Variants in OSBPL6 observed in about 807,000 individuals in gnomAD.
The protein encoded by OSBPL6 is oxysterol binding protein like 6.
A neutral mutation model predicts 125.8 loss-of-function variants in OSBPL6; 49 were observed. The observed-to-expected ratio is 0.39, with a 90% CI of 0.31 to 0.49. The LOEUF is 0.49. Among genes scored for constraint, OSBPL6 ranks in the 20% least tolerant of loss-of-function variants. The probability of loss-of-function intolerance (pLI) is 0.88; values close to 1 mark genes in which losing one functional copy is unlikely to be tolerated. For synonymous variants in OSBPL6, 394 were observed against 391.8 expected (o/e 1.01, Z -0.07); for missense variants, 986 against 1,135.4 (o/e 0.87, Z 1.89).
intron 4 of OSBPL6, among the ~76,000 whole-genome samples, chr2:178,326,419 C>G (rs1226281981): frequency 6.6e-6 from 1 of 152,106 alleles, no homozygotes; most frequent in African/African-American, 2.4e-5. Context: ...CTGACATGAT[C>G]ACATTATGGC....
chr2:178,253,129 C>T (rs1404264624), intron 1 of OSBPL6, among the ~76,000 whole-genome samples: 2 of 151,558 alleles, frequency 1.3e-5, no homozygotes, highest in Non-Finnish European at 2.9e-5. Flanking sequence ...TCAAGCGATT[C>T]TCCTGCCTCG....
chr2:178,358,640 A>G (rs1439097250), intron 12 of OSBPL6, among the ~76,000 whole-genome samples: 2 of 152,154 alleles, frequency 1.3e-5, no homozygotes, highest in East Asian at 1.9e-4. Flanking sequence ...TGAAACTATA[A>G]AACTCCTAGA....
chr2:178,248,841 G>A (rs755323245), intron 1 of OSBPL6, among the ~76,000 whole-genome samples: 26 of 152,274 alleles, frequency 1.7e-4, no homozygotes, highest in Non-Finnish European at 2.5e-4. Context: ...AAAAACATCT[G>A]AAATCTCATT....
At chr2:178,321,593 G>A (rs73032545) in intron 3 of OSBPL6, among the ~76,000 whole-genome samples, 1,861 of 152,226 alleles carry the variant, frequency 0.012, 45 homozygotes, top group African/African-American at 0.043. Context: ...TTCTAGACTC[G>A]TGAGTTTCTA....
chr2:178,248,518 G>A (rs953834228), intron 1 of OSBPL6, among the ~76,000 whole-genome samples: 3 of 152,132 alleles, frequency 2.0e-5, no homozygotes, highest in African/African-American at 7.2e-5. Flanking sequence ...CCTGATGTTA[G>A]TTGTTTTGGG....
At position 178,380,456 on chromosome 2, in the gene OSBPL6, CAAAAAAAAAAAAAA is replaced by C. The variant is rs60399092; in HGVS notation, c.1534-1948_1534-1935del. On this transcript the variant is annotated intron_variant, in intron 15 of 24. Transcript: ENST00000190611. ...TGGGCAGCAGAGTAAGAGTCTGTCT[CAAAAAAAAAAAAAA>C]AAAAAAAAAAAAAAAGTGATCTTTT... Among the ~76,000 whole-genome samples, 13 of 25,990 alleles carry C rather than the reference CAAAAAAAAAAAAAA, an allele frequency of 5.0e-4. 1 individual carries two copies. The highest frequency in any genetic ancestry group is 2.1e-3 in the South Asian group (1 of 470). The allele number at this position is 25,990 out of a possible 152,430, so 17.1% of individuals were successfully genotyped here. A position where few individuals can be genotyped will look rare whatever the true frequency, so the allele number is the denominator to read the frequency against.
intron 3 of OSBPL6, among the ~76,000 whole-genome samples, chr2:178,307,943 C>T (rs979782746): frequency 3.3e-5 from 5 of 152,060 alleles, no homozygotes; most frequent in Non-Finnish European, 5.9e-5. Flanking sequence ...CCTGGTGTGC[C>T]GGAGGGAGCA....
At chr2:178,290,746 C>T (rs1685181131) in intron 2 of OSBPL6, among the ~76,000 whole-genome samples, 1 of 151,950 alleles carries the variant, frequency 6.6e-6, no homozygotes, top group Admixed American at 6.6e-5. Context: ...TAATAGGAAA[C>T]AGAATTTAGA....
At chr2:178,203,507 T>C (rs2089366390) in intron 1 of OSBPL6, among the ~76,000 whole-genome samples, 1 of 152,186 alleles carries the variant, frequency 6.6e-6, no homozygotes, top group African/African-American at 2.4e-5. Flanking sequence ...GGAATATAAT[T>C]ATAACTGTTT....
intron 2 of OSBPL6, among the ~76,000 whole-genome samples, chr2:178,289,778 G>C (rs1685064658): frequency 6.6e-6 from 1 of 152,164 alleles, no homozygotes; most frequent in African/African-American, 2.4e-5. Context: ...TTTGGGAATA[G>C]AACTTTCCAC....
chr2:178,392,357 C>A, intron 22 of OSBPL6, 55 bp from the exon 23 acceptor site: 1 of 1,596,524 alleles, frequency 6.3e-7, no homozygotes, highest in Non-Finnish European at 8.6e-7. Context: ...AAGTCAGCTT[C>A]TTCCAGTTCC....
At chr2:178,304,913 C>T (rs1686625953) in intron 2 of OSBPL6, among the ~76,000 whole-genome samples, 1 of 152,204 alleles carries the variant, frequency 6.6e-6, no homozygotes, top group Admixed American at 6.5e-5. Flanking sequence ...CTCCCAGATC[C>T]ATTAGTTCAC....
intron 21 of OSBPL6, 65 bp from the exon 22 acceptor site, chr2:178,391,008 G>A: frequency 6.3e-7 from 1 of 1,577,060 alleles, no homozygotes; most frequent in Non-Finnish European, 8.6e-7. Context: ...TTTTCTATAT[G>A]GAAAATACAG....
At chr2:178,223,552 G>T (rs2090430028) in intron 1 of OSBPL6, among the ~76,000 whole-genome samples, 1 of 152,194 alleles carries the variant, frequency 6.6e-6, no homozygotes, top group Non-Finnish European at 1.5e-5. Flanking sequence ...ATTGTAAAAA[G>T]TAAAAGGATA....
intron 1 of OSBPL6, among the ~76,000 whole-genome samples, chr2:178,213,146 T>A (rs937840507): frequency 1.3e-5 from 2 of 152,122 alleles, no homozygotes; most frequent in South Asian, 4.1e-4. Flanking sequence ...TAGATACTTT[T>A]GGAAGCTCTT....
intron 2 of OSBPL6, among the ~76,000 whole-genome samples, chr2:178,288,996 G>A (rs1021980764): frequency 2.8e-5 from 4 of 141,836 alleles, no homozygotes; most frequent in African/African-American, 1.0e-4. Context: ...GTTGATTTTT[G>A]TTTTCTTTTT....
chr2:178,231,188 G>A (rs1212069686), intron 1 of OSBPL6, among the ~76,000 whole-genome samples: 1 of 152,178 alleles, frequency 6.6e-6, no homozygotes, highest in Non-Finnish European at 1.5e-5. Context: ...GAGCAGCGGT[G>A]TCTGATTTAC....
rs544737487 is a variant in OSBPL6 at position 178,288,118 on chromosome 2, T to C, written c.-156+2997T>C. On this transcript the variant is annotated intron_variant, in intron 2 of 24. Transcript: ENST00000190611. The stretch of plus-strand genomic sequence containing the variant: ...TGGGTCATGAGACTTCCCCCTGGAG[T>C]AGTGGAAATGGAGAGAATAGCAAGC... Among the ~76,000 whole-genome samples, 5 of 151,842 alleles carry C rather than the reference T, an allele frequency of 3.3e-5. 1 individual carries two copies. Among genetic ancestry groups the C allele is most frequent in the African/African-American group, 1.2e-4 (5 of 41,382 alleles).
At position 178,400,500 on chromosome 2, in the gene OSBPL6, T is replaced by A. The variant is rs2154122908; in HGVS notation, c.*4941T>A. ...GGGGGTTTTGCCATGTTGGCCAGGC[T>A]GGTCTCGAACTCCTGACCTCAAGTG... On this transcript the variant is annotated 3_prime_UTR_variant, in exon 25 of 25. Transcript: ENST00000190611. 6.6e-6 allele frequency: 1 copy of A among 152,322 alleles called. No individual in the cohort carries two copies. The highest frequency in any genetic ancestry group is 2.4e-5 in the African/African-American group (1 of 41,552). 9.4% of individuals were successfully genotyped at this position (152,322 alleles called of 1,614,324 possible). A position where few individuals can be genotyped will look rare whatever the true frequency, so the allele number is the denominator to read the frequency against.
Sources: allele counts gnomAD v4.1 joint callset (sites outside exome capture counted in the v4.1 genomes callset), GRCh38; gene constraint gnomAD v4.1.1; transcripts MANE v1.5; gene names NCBI Gene and HGNC (gene_info 2026-07-23, HGNC 2026-07-21).